Variants in GOLGA8B observed in about 807,000 individuals in gnomAD.
GOLGA8B encodes the protein golgin subfamily A member 8B.
A neutral mutation model predicts 15.6 loss-of-function variants in GOLGA8B; 1 was observed. That is an observed-to-expected ratio of 0.06 (90% CI 0.02 to 0.30). GOLGA8B has a LOEUF of 0.30. GOLGA8B is among the 10% of genes least tolerant of loss of function. The probability of loss-of-function intolerance (pLI) is 1.00; values close to 1 mark genes in which losing one functional copy is unlikely to be tolerated. For synonymous variants in GOLGA8B, 9 were observed against 80.3 expected (o/e 0.11, Z 4.75); for missense variants, 17 against 201.3 (o/e 0.08, Z 5.54).
chr15:34,581,775 T>C (rs1160038339), intron 1 of GOLGA8B, among the ~76,000 whole-genome samples: 4 of 152,038 alleles, frequency 2.6e-5, no homozygotes, highest in Non-Finnish European at 5.9e-5. Context: ...AGCCTGCAGC[T>C]TCTCCCAGCC....
chr15:34,580,469 C>T (rs1287093163), intron 1 of GOLGA8B, among the ~76,000 whole-genome samples: 1 of 122,114 alleles, frequency 8.2e-6, no homozygotes, highest in East Asian at 2.3e-4. Flanking sequence ...AGCAATGGCA[C>T]CCCACCAGTA....
At chr15:34,570,342 C>T (rs935874771) in intron 1 of GOLGA8B, among the ~76,000 whole-genome samples, 6 of 144,430 alleles carry the variant, frequency 4.2e-5, no homozygotes, top group African/African-American at 1.5e-4. Context: ...AGACCACTGC[C>T]CTTGCCTGGA....
chr15:34,543,328 C>T (rs1210980628), intron 7 of GOLGA8B, among the ~76,000 whole-genome samples: 1 of 146,592 alleles, frequency 6.8e-6, no homozygotes, highest in African/African-American at 2.5e-5. Flanking sequence ...CAGGTAGGTG[C>T]CCCATACACA....
chr15:34,556,965 G>C (rs1888504810), intron 1 of GOLGA8B: 1 of 595,086 alleles, frequency 1.7e-6, no homozygotes, highest in East Asian at 2.8e-5. Context: ...CATTGGTCCA[G>C]TTGGGAGACA....
intron 1 of GOLGA8B, among the ~76,000 whole-genome samples, chr15:34,576,193 C>T (rs1205874168): frequency 6.6e-6 from 1 of 152,178 alleles, no homozygotes; most frequent in East Asian, 1.9e-4. Context: ...GGTGGGAATG[C>T]TGCCAGTCCA....
At chr15:34,577,566 G>A (rs1251574532) in intron 1 of GOLGA8B, among the ~76,000 whole-genome samples, 2 of 141,240 alleles carry the variant, frequency 1.4e-5, no homozygotes, top group African/African-American at 2.6e-5. Flanking sequence ...ACACAGATGC[G>A]TCACTTAATG....
chr15:34,542,932 ATT>A (rs752638727), intron 7 of GOLGA8B, among the ~76,000 whole-genome samples: 2 of 103,536 alleles, frequency 1.9e-5, no homozygotes, highest in Non-Finnish European at 3.8e-5. Flanking sequence ...TAGAACTTCC[ATT>A]TCTCTCACTT....
At chr15:34,577,804 G>C (rs1889122908) in intron 1 of GOLGA8B, among the ~76,000 whole-genome samples, 2 of 152,174 alleles carry the variant, frequency 1.3e-5, no homozygotes, top group Admixed American at 6.5e-5. Flanking sequence ...TGGTGCCCCT[G>C]TCTAGGGCAC....
At chr15:34,563,775 T>C (rs1287322176) in intron 1 of GOLGA8B, among the ~76,000 whole-genome samples, 2 of 147,960 alleles carry the variant, frequency 1.4e-5, no homozygotes, top group South Asian at 2.1e-4. Flanking sequence ...CAATTCTATG[T>C]AGAAATATAA....
chr15:34,582,573 C>G (rs75772625), intron 1 of GOLGA8B, among the ~76,000 whole-genome samples: 2 of 152,224 alleles, frequency 1.3e-5, no homozygotes, highest in Admixed American at 6.5e-5. Context: ...GGTCGTATCT[C>G]AAGAGATCTG....
rs1437893224 is a variant in GOLGA8B, at chr15:34,557,724, G to A, written c.-1122-3768C>T. Among the ~76,000 whole-genome samples, 41 of 91,988 alleles carry A rather than the reference G, an allele frequency of 4.5e-4. 1 individual carries two copies. The highest frequency in any genetic ancestry group is 1.6e-3 in the African/African-American group (40 of 25,450). The allele number at this position is 91,988 out of a possible 152,430, so 60.3% of individuals were successfully genotyped here. Reference sequence around the variant, plus strand: ...TTGGGTTTGGAATGGAAATCATATTGACTCCTGGATTTTCAGCACTTGTAT... The same window carrying A: ...TTGGGTTTGGAATGGAAATCATATTAACTCCTGGATTTTCAGCACTTGTAT... On this transcript the variant is annotated intron_variant, in intron 1 of 23. Coordinates refer to ENST00000683415, the MANE Select transcript of GOLGA8B (RefSeq NM_001023567.5).
intron 1 of GOLGA8B, among the ~76,000 whole-genome samples, chr15:34,579,674 T>A (rs1889176863): frequency 1.3e-5 from 2 of 152,176 alleles, no homozygotes; most frequent in African/African-American, 4.8e-5. Context: ...CTGTGCTACA[T>A]TCTAGGAGGA....
In GOLGA8B at chr15:34,527,165, T is replaced by G; in HGVS notation, c.*467A>C. On this transcript the variant is annotated 3_prime_UTR_variant, in exon 24 of 24. Coordinates refer to ENST00000683415, the MANE Select transcript of GOLGA8B (RefSeq NM_001023567.5). ...TGCACACTTGAGGGCAAACCGCATA[T>G]TGAGCTATGGAAGAGCTCACTGTGA... is the stretch of plus-strand genomic sequence containing the variant. 1 of 297,464 alleles carries G rather than the reference T, an allele frequency of 3.4e-6. No homozygotes were observed. 18.4% of individuals were successfully genotyped at this position (297,464 alleles called of 1,614,324 possible).
intron 1 of GOLGA8B, among the ~76,000 whole-genome samples, chr15:34,574,613 G>C (rs28543018): frequency 0.27 from 41,417 of 151,662 alleles, 5,922 homozygotes; most frequent in East Asian, 0.43. Context: ...CTTCAAATCA[G>C]ATTTCTAAGG....
intron 1 of GOLGA8B, among the ~76,000 whole-genome samples, chr15:34,570,333 G>A (rs2140350583): frequency 6.9e-6 from 1 of 144,488 alleles, no homozygotes; most frequent in South Asian, 2.3e-4. Context: ...GCCCCTGCCA[G>A]ACCACTGCCC....
chr15:34,573,944 C>T (rs1214013773), intron 1 of GOLGA8B, among the ~76,000 whole-genome samples: 1 of 151,470 alleles, frequency 6.6e-6, no homozygotes, highest in Admixed American at 6.6e-5. Context: ...ACCTATTTGC[C>T]AAATCACCAG....
chr15:34,576,425 C>T (rs998660951), intron 1 of GOLGA8B, among the ~76,000 whole-genome samples: 1 of 152,202 alleles, frequency 6.6e-6, no homozygotes, highest in African/African-American at 2.4e-5. Context: ...AGTTCTTGGT[C>T]TGGAGGGGCT....
chr15:34,527,743 T>C lies in GOLGA8B; in HGVS notation c.1701A>G (p.Pro567=), dbSNP rs1470734635. 9.0e-5 allele frequency: 109 copies of C among 1,209,186 alleles called. 35 individuals carry two copies. The highest frequency in any genetic ancestry group is 1.2e-4 in the Non-Finnish European group (105 of 895,182). The allele number at this position is 1,209,186 out of a possible 1,614,324, so 74.9% of individuals were successfully genotyped here. ...GCATCTCACCAAGGAGCTGCAGGAC[T>C]GGCTGTGCAGTAGGGTTGTCCTGGG... The part of the protein sequence containing the change: ...GSSQDNPTAQ[P]VLQLLGEMQD... The change falls in exon 24 of 24, where the codon CCA becomes CCG. Residue 567 remains proline (P), a synonymous_variant. Coordinates refer to ENST00000683415, the MANE Select transcript of GOLGA8B (RefSeq NM_001023567.5).
At chr15:34,570,369 A>AC in intron 1 of GOLGA8B, among the ~76,000 whole-genome samples, 1 of 136,408 alleles carries the variant, frequency 7.3e-6, no homozygotes. Context: ...ACTCCCTAAG[A>AC]CCCCTCTCCT....
Sources: allele counts gnomAD v4.1 joint callset (sites outside exome capture counted in the v4.1 genomes callset), GRCh38; gene constraint gnomAD v4.1.1; transcripts MANE v1.5; gene names NCBI Gene and HGNC (gene_info 2026-07-23, HGNC 2026-07-21).